Variants in DCTN5 observed in about 807,000 individuals in gnomAD.
DCTN5 encodes dynactin 4.
In DCTN5, 14 loss-of-function variants were observed where a neutral mutation model predicts 23.5. The ratio of observed to expected loss-of-function variants is 0.60; its 90% confidence interval spans 0.39 to 0.93. The LOEUF is 0.93. DCTN5 is among the 40% of genes least tolerant of loss of function. The probability of loss-of-function intolerance (pLI) is 0.00; values close to 1 mark genes in which losing one functional copy is unlikely to be tolerated. For missense variants in DCTN5, 156 were observed against 225.9 expected (o/e 0.69, Z 1.98); for synonymous variants, 67 against 79.6 (o/e 0.84, Z 0.84).
rs375849466 is a variant in DCTN5, at chr16:23,642,916, T to G, written c.49-39T>G. On this transcript the variant is annotated intron_variant, in intron 1 of 5. Transcript: ENST00000300087. ...GGAAACCTGTAGTCCAGAAACCTAT[T>G]AAGTTTGCTTTCCCCGGTTTTCCGT... 4 of 1,582,010 alleles carry G rather than the reference T, an allele frequency of 2.5e-6. No homozygotes were observed. The African/African-American group carries it at 5.4e-5, about 21-fold the overall frequency.
Position 23,671,982 on chromosome 16 carries a change from C to T in DCTN5, c.*4838C>T, listed in dbSNP as rs977791162. On this transcript the variant is annotated 3_prime_UTR_variant, in exon 6 of 6. Coordinates refer to ENST00000300087, the MANE Select transcript of DCTN5 (RefSeq NM_032486.4). The stretch of plus-strand genomic sequence containing the variant: ...CTGGCTTTCATACCATGGGTCTGAA[C>T]ATTAGCCCATGGTGTTTCTTGGCCA... 6.6e-6 allele frequency: 1 copy of T among 152,186 alleles called. No individual in the cohort carries two copies. Among genetic ancestry groups the T allele is most frequent in the Non-Finnish European group, 1.5e-5 (1 of 68,036 alleles). 9.4% of individuals were successfully genotyped at this position (152,186 alleles called of 1,614,324 possible).
chr16:23,641,497 G>C lies in DCTN5; in HGVS notation c.-46G>C, dbSNP rs766570991. ...AGCCGGAATCTCTGAAAGACTGACCGACTGACTCTGACAGGATCCGGGGCT... is the reference window on the plus strand; with the variant it reads ...AGCCGGAATCTCTGAAAGACTGACCCACTGACTCTGACAGGATCCGGGGCT... On this transcript the variant is annotated 5_prime_UTR_variant, in exon 1 of 6. Transcript: ENST00000300087. 1 of 1,612,688 alleles carries C rather than the reference G, an allele frequency of 6.2e-7. No homozygotes were observed. Among genetic ancestry groups the C allele is most frequent in the Non-Finnish European group, 8.5e-7 (1 of 1,179,092 alleles).
intron 4 of DCTN5, 51 bp from the exon 5 acceptor site, chr16:23,665,575 C>G (rs776103510): frequency 3.3e-6 from 5 of 1,531,812 alleles, no homozygotes; most frequent in Non-Finnish European, 3.6e-6. Flanking sequence ...AGAAAGGAGC[C>G]TTTCACACAG....
At chr16:23,644,294 A>ATTTT (rs534821955) in intron 2 of DCTN5, among the ~76,000 whole-genome samples, 1,157 of 97,282 alleles carry the variant, frequency 0.012, 19 homozygotes, top group African/African-American at 0.03. Flanking sequence ...TGCCCACCTA[A>ATTTT]TTTTTTTTTT....
chr16:23,658,619 G>T lies in DCTN5; in HGVS notation c.230G>T (p.Ser77Ile). The change falls in exon 3 of 6, where the codon AGC becomes ATC. Residue 77 changes from serine to isoleucine, a missense_variant. Ser to Ile is a moderately radical substitution (Grantham distance 142). Transcript: ENST00000300087. ...SVIRPPFKKFSKGVAFFPLHI... is the reference protein window; with the variant it reads ...SVIRPPFKKFIKGVAFFPLHI... ...ATAAGGCCACCATTCAAGAAGTTCAGCAAAGGGTATGTAATTTAATTACTT... is the reference window on the plus strand; with the variant it reads ...ATAAGGCCACCATTCAAGAAGTTCATCAAAGGGTATGTAATTTAATTACTT... 6.2e-7 allele frequency: 1 copy of T among 1,612,676 alleles called. No individual in the cohort carries two copies. Among genetic ancestry groups the T allele is most frequent in the Non-Finnish European group, 8.5e-7 (1 of 1,178,642 alleles).
chr16:23,641,627 C>T (rs1967262218), intron 1 of DCTN5, 37 bp downstream of exon 1: 1 of 1,612,124 alleles, frequency 6.2e-7, no homozygotes, highest in Non-Finnish European at 8.5e-7. Flanking sequence ...CTCTTTCCAA[C>T]CCTGCGTCCC....
chr16:23,650,505 T>C (rs1967579072), intron 2 of DCTN5, among the ~76,000 whole-genome samples: 2 of 151,300 alleles, frequency 1.3e-5, no homozygotes, highest in Admixed American at 6.6e-5. Context: ...TTTGTATTTT[T>C]AGTAGAGACC....
rs1447543376 is a variant in DCTN5 at position 23,671,379 on chromosome 16, T to C, written c.*4235T>C. The C allele has an allele frequency of 2.0e-5, 3 of 152,186 alleles. No individual in the cohort carries two copies. Among genetic ancestry groups the C allele is most frequent in the Non-Finnish European group, 4.4e-5 (3 of 68,032 alleles). 9.4% of individuals were successfully genotyped at this position (152,186 alleles called of 1,614,324 possible). A position where few individuals can be genotyped will look rare whatever the true frequency, so the allele number is the denominator to read the frequency against. On this transcript the variant is annotated 3_prime_UTR_variant, in exon 6 of 6. Coordinates refer to ENST00000300087, the MANE Select transcript of DCTN5 (RefSeq NM_032486.4). ...GTATAAGGCATAGCATTCTTACATA[T>C]TTTTAAAATTTAAAATAAAATTTAA...
At chr16:23,650,680 T>G in intron 2 of DCTN5, 1 of 1,354,318 alleles carries the variant, frequency 7.4e-7, no homozygotes, top group Non-Finnish European at 1.0e-6. Context: ...ACCCTCCTCT[T>G]GGTGGAAAGT....
intron 4 of DCTN5, 75 bp downstream of exon 4, chr16:23,661,356 T>C: frequency 9.5e-7 from 1 of 1,049,646 alleles, no homozygotes. Context: ...GGTGGGACCC[T>C]GTTTCTGTGA....
chr16:23,641,644 G>C lies in DCTN5; in HGVS notation c.48+54G>C, dbSNP rs879219090. 16 of 1,602,924 alleles carry C rather than the reference G, an allele frequency of 1.0e-5. No individual in the cohort carries two copies. The South Asian group carries it at 1.7e-4, about 17-fold the overall frequency. On this transcript the variant is annotated intron_variant, in intron 1 of 5. Transcript: ENST00000300087. ...CTTTCCAACCCTGCGTCCCTTTGAGGCCTGGTCGGCGTTCCCAACCTGCCC... is the reference window on the plus strand; with the variant it reads ...CTTTCCAACCCTGCGTCCCTTTGAGCCCTGGTCGGCGTTCCCAACCTGCCC...
intron 4 of DCTN5, among the ~76,000 whole-genome samples, chr16:23,663,895 A>C (rs1402323691): frequency 6.6e-6 from 1 of 152,236 alleles, no homozygotes; most frequent in African/African-American, 2.4e-5. Flanking sequence ...ACCAGTGGAC[A>C]GAGCAGGTGC....
chr16:23,666,903 G>A, intron 5 of DCTN5, 144 bp from the exon 6 acceptor site: 1 of 1,332,158 alleles, frequency 7.5e-7, no homozygotes, highest in Non-Finnish European at 1.0e-6. Flanking sequence ...TTCTTAGCAA[G>A]CACTGGACCA....
chr16:23,657,414 G>T (rs1438167135), intron 2 of DCTN5: 5 of 376,324 alleles, frequency 1.3e-5, no homozygotes, highest in Non-Finnish European at 2.6e-5. Flanking sequence ...TATGATTGTG[G>T]CACTGCACTG....
intron 2 of DCTN5, among the ~76,000 whole-genome samples, chr16:23,648,624 A>G (rs1967528054): frequency 6.6e-6 from 1 of 151,892 alleles, no homozygotes; most frequent in African/African-American, 2.4e-5. Flanking sequence ...TGCTGGGATT[A>G]CAGGTGTGGG....
chr16:23,646,550 T>G (rs1967462755), intron 2 of DCTN5, among the ~76,000 whole-genome samples: 1 of 152,134 alleles, frequency 6.6e-6, no homozygotes, highest in Non-Finnish European at 1.5e-5. Flanking sequence ...GTGCTGTGTT[T>G]AGGTCATTGA....
At chr16:23,655,538 G>A (rs571222918) in intron 2 of DCTN5, among the ~76,000 whole-genome samples, 1 of 151,206 alleles carries the variant, frequency 6.6e-6, no homozygotes, top group Non-Finnish European at 1.5e-5. Context: ...ACCATGCCCT[G>A]CTTAATTTTT....
intron 2 of DCTN5, chr16:23,650,804 G>C (rs541781672): frequency 2.6e-6 from 4 of 1,528,840 alleles, no homozygotes; most frequent in Middle Eastern, 1.7e-4. Flanking sequence ...ATGTCACAGT[G>C]CCTGCAGGGA....
At chr16:23,665,876 G>A (rs988454902) in intron 5 of DCTN5, 148 bp downstream of exon 5, 5 of 649,528 alleles carry the variant, frequency 7.7e-6, no homozygotes, top group Non-Finnish European at 1.3e-5. Flanking sequence ...ACCTAGAAAT[G>A]CTACCTAACA....
Sources: gnomAD v4.1 joint callset for allele counts (sites outside exome capture counted in the v4.1 genomes callset) on GRCh38, gnomAD v4.1.1 for gene constraint, MANE v1.5 for transcripts, NCBI Gene and HGNC (gene_info 2026-07-23, HGNC 2026-07-21) for gene names.